The following RDX variants were observed in gnomAD, a reference collection of about 807,000 sequenced individuals.
The protein encoded by RDX is radixin.
In RDX, 32 loss-of-function variants were observed where a neutral mutation model predicts 83.7. The ratio of observed to expected loss-of-function variants is 0.38; its 90% CI spans 0.29 to 0.51. The LOEUF (loss-of-function observed/expected upper bound fraction) is 0.51. Ranked by LOEUF, RDX falls within the 20% of genes least tolerant of loss-of-function variation. The pLI, the probability that RDX is intolerant of heterozygous loss-of-function variation, is 0.87. For missense variants in RDX, 600 were observed against 689.9 expected, an observed-to-expected ratio of 0.87 and a Z score of 1.46; for synonymous variants, 229 against 222.7, an observed-to-expected ratio of 1.03 and a Z score of -0.25.
At chr11:110,275,073 T>A (rs972280413) in intron 2 of RDX, among the ~76,000 whole-genome samples, 1 of 152,234 alleles carries the variant, frequency 6.6e-6, no homozygotes, top group Non-Finnish European at 1.5e-5. Flanking sequence ...GTGGGCATTA[T>A]CAGATTTATT....
intron 3 of RDX, among the ~76,000 whole-genome samples, chr11:110,267,565 CAAAT>C (rs1404835037): frequency 1.4e-5 from 2 of 140,770 alleles, no homozygotes; most frequent in African/African-American, 2.6e-5. Context: ...CACACACACA[CAAAT>C]AATCTTAAAA....
chr11:110,180,437 G>A (rs541127321), intron 15 of RDX, among the ~76,000 whole-genome samples: 4 of 152,258 alleles, frequency 2.6e-5, no homozygotes, highest in Admixed American at 2.0e-4. Context: ...CAGGAAGAAA[G>A]TGTCTCCTGC....
intron 2 of RDX, among the ~76,000 whole-genome samples, chr11:110,278,990 T>TA (rs895379056): frequency 2.6e-4 from 40 of 152,024 alleles, no homozygotes; most frequent in Middle Eastern, 3.4e-3. Context: ...TACCCTTAAA[T>TA]AAAAAAAATC....
chr11:110,205,450 A>C lies in RDX; in HGVS notation c.1749-5772T>G, dbSNP rs1416506793. 6.7e-5 allele frequency among the ~76,000 whole-genome samples: 10 copies of C among 150,238 alleles called. No homozygotes were observed. In the East Asian group the frequency reaches 1.7e-3, roughly 26 times the overall value. ...CCTATCCAAAAAAAAAAAAAAAAAA[A>C]AACCACCATAAAAAGCCAAAGAGAC... On this transcript the variant is annotated intron_variant, in intron 14 of 15. Coordinates refer to the RDX transcript ENST00000528498.
At chr11:110,188,060 G>A (rs538019653) in intron 15 of RDX, among the ~76,000 whole-genome samples, 66 of 152,284 alleles carry the variant, frequency 4.3e-4, no homozygotes, top group Non-Finnish European at 6.5e-4. Flanking sequence ...TTGGGAGGCC[G>A]AGGCAGACAC....
chr11:110,210,909 G>T (rs1466259796), intron 14 of RDX, among the ~76,000 whole-genome samples: 2 of 151,882 alleles, frequency 1.3e-5, no homozygotes, highest in Non-Finnish European at 2.9e-5. Flanking sequence ...AGACCATCGA[G>T]ACACTAGGAA....
intron 10 of RDX, 115 bp downstream of exon 10, chr11:110,247,583 CAATTA>C (rs1006586211): frequency 4.0e-5 from 40 of 1,001,162 alleles, no homozygotes; most frequent in Non-Finnish European, 5.0e-5. Context: ...ATTAATTTGC[CAATTA>C]AATATACAAT....
At chr11:110,241,551 C>A (rs1391806604) in intron 10 of RDX, among the ~76,000 whole-genome samples, 1 of 152,198 alleles carries the variant, frequency 6.6e-6, no homozygotes, top group African/African-American at 2.4e-5. Context: ...CCCGCCTTGG[C>A]CTCCCAAAGT....
chr11:110,214,531 C>A (rs1418718253), intron 14 of RDX, among the ~76,000 whole-genome samples: 8 of 111,686 alleles, frequency 7.2e-5, no homozygotes, highest in African/African-American at 2.4e-4. Flanking sequence ...GCTATAAAGA[C>A]ACATGCACAC....
intron 15 of RDX, among the ~76,000 whole-genome samples, chr11:110,190,214 T>C (rs1421565740): frequency 6.6e-6 from 1 of 152,192 alleles, no homozygotes. Flanking sequence ...CCAAGGTGGG[T>C]GGATTACTTG....
At chr11:110,295,650 A>AAAC (rs1555051144) in intron 1 of RDX, among the ~76,000 whole-genome samples, 6 of 150,824 alleles carry the variant, frequency 4.0e-5, no homozygotes, top group South Asian at 2.1e-4. Context: ...CTGAAAAAAA[A>AAAC]AAAAAAACAA....
At chr11:110,285,967 A>C (rs779469586) in intron 1 of RDX, among the ~76,000 whole-genome samples, 1 of 152,074 alleles carries the variant, frequency 6.6e-6, no homozygotes, top group Non-Finnish European at 1.5e-5. Flanking sequence ...AAACCATTAT[A>C]TATCAAAGAC....
At chr11:110,272,863 G>A (rs1860360108) in intron 2 of RDX, 1 of 527,930 alleles carries the variant, frequency 1.9e-6, no homozygotes, top group African/African-American at 1.9e-5. Context: ...AATACTAGGA[G>A]ATACTACCTT....
At chr11:110,214,222 C>G (rs1375344721) in intron 14 of RDX, among the ~76,000 whole-genome samples, 4 of 150,508 alleles carry the variant, frequency 2.7e-5, no homozygotes, top group African/African-American at 9.8e-5. Context: ...TTTATGCAGC[C>G]AAAAAACACA....
chr11:110,187,756 T>A (rs1017596850), intron 15 of RDX, among the ~76,000 whole-genome samples: 10 of 152,232 alleles, frequency 6.6e-5, no homozygotes, highest in Admixed American at 1.3e-4. Flanking sequence ...CACCCACCCA[T>A]CTTGGTCTCC....
intron 12 of RDX, 34 bp downstream of exon 12, chr11:110,236,065 T>A (rs1030240427): frequency 3.5e-6 from 5 of 1,435,030 alleles, no homozygotes; most frequent in Middle Eastern, 4.8e-4. Context: ...ATAAAAGCTA[T>A]TCAATAAAAG....
At chr11:110,197,653 G>A (rs754455350) in intron 15 of RDX, among the ~76,000 whole-genome samples, 4 of 152,182 alleles carry the variant, frequency 2.6e-5, no homozygotes, top group Admixed American at 6.5e-5. Context: ...AAAAGATCAG[G>A]TAGATTTTAC....
At chr11:110,235,435 T>C (rs772900204) in intron 12 of RDX, among the ~76,000 whole-genome samples, 3 of 152,196 alleles carry the variant, frequency 2.0e-5, no homozygotes, top group Admixed American at 6.5e-5. Flanking sequence ...CATTCCTCTT[T>C]ATTCTCATTT....
At chr11:110,287,324 AGAGT>A (rs1196651347) in intron 1 of RDX, 2 of 152,238 alleles carry the variant, frequency 1.3e-5, no homozygotes, top group Admixed American at 6.5e-5. Context: ...CCTGGGCAAC[AGAGT>A]GAGATCCCAT....
Sources: gnomAD v4.1 joint callset for allele counts (sites outside exome capture counted in the v4.1 genomes callset) on GRCh38, gnomAD v4.1.1 for gene constraint, MANE v1.5 for transcripts, NCBI Gene and HGNC (gene_info 2026-07-23, HGNC 2026-07-21) for gene names.